DLEC1: variants seen among roughly 807,000 people sequenced by gnomAD.
DLEC1 encodes DLEC1 cilia and flagella associated protein, also known as deleted in lung and esophageal cancer protein 1.
DLEC1 carries 146 observed loss-of-function variants against 198.1 expected under a neutral mutation model. The ratio of observed to expected loss-of-function variants is 0.74; its 90% CI spans 0.64 to 0.85. DLEC1 has a LOEUF of 0.85. Ranked by LOEUF, DLEC1 falls within the 40% of genes least tolerant of loss-of-function variation. The pLI, the probability that DLEC1 is intolerant of heterozygous loss-of-function variation, is 0.00. For missense variants in DLEC1, 2,233 were observed against 2,220.0 expected (o/e 1.01, Z -0.12); for synonymous variants, 897 against 866.8 (o/e 1.03, Z -0.61).
At chr3:38,094,406 A>T (rs1270379006) in intron 12 of DLEC1, among the ~76,000 whole-genome samples, 1 of 152,172 alleles carries the variant, frequency 6.6e-6, no homozygotes, top group Admixed American at 6.5e-5. Context: ...TCCTGTTGGC[A>T]GCCAGTAGGC....
At position 38,112,711 on chromosome 3, in the gene DLEC1, A is replaced by G. The variant is rs1699952504; in HGVS notation, c.3666+350A>G. ...GAGTGTGGAGTGGAGGGACAGTAGC[A>G]GCCTCCCAGAGCCAGGTCCTTGCCC... On this transcript the variant is annotated intron_variant, in intron 25 of 36. Transcript: ENST00000308059. The surrounding 1 kb of genome is among the most constrained non-coding windows in gnomAD (Gnocchi z 4.8). Among the ~76,000 whole-genome samples, 2 of 152,174 alleles carry G rather than the reference A, an allele frequency of 1.3e-5. No homozygotes were observed. Among genetic ancestry groups the G allele is most frequent in the African/African-American group, 4.8e-5 (2 of 41,448 alleles).
chr3:38,065,162 C>A (rs547708168), intron 6 of DLEC1, among the ~76,000 whole-genome samples: 1 of 152,246 alleles, frequency 6.6e-6, no homozygotes, highest in Non-Finnish European at 1.5e-5. Flanking sequence ...CACAGCGAAA[C>A]CCCGTCTCCA....
At position 38,069,613 on chromosome 3, in the gene DLEC1, C is replaced by A. The variant is rs377175721; in HGVS notation, c.1173+5694C>A. ...CTATTATTTTTTTCCTCCAAAGCTT[C>A]CAGTGCTGTTAAGGAAAGCCAGTCC... On this transcript the variant is annotated intron_variant, in intron 6 of 36. Coordinates refer to ENST00000308059, the MANE Select transcript of DLEC1 (RefSeq NM_007335.4). Among the ~76,000 whole-genome samples the A allele has an allele frequency of 3.0e-4, 45 of 152,318 alleles. 2 individuals carry two copies. The South Asian group carries it at 9.3e-3, about 32-fold the overall frequency.
chr3:38,121,713 A>T lies in DLEC1; in HGVS notation c.4952A>T (p.Gln1651Leu), dbSNP rs774696235. 1.2e-6 allele frequency: 2 copies of T among 1,614,092 alleles called. No homozygotes were observed. The highest frequency in any genetic ancestry group is 1.1e-5 in the South Asian group (1 of 91,090). ...GACTTTGGGACCTGCTTTGTGAGCC[A>T]GCAGCGAGTCCGGGAGGTCTACCTG... The part of the protein sequence containing the change: ...WVDFGTCFVS[Q>L]QRVREVYLMN... Residue 1651 changes from glutamine to leucine, a missense_variant, in exon 35 of 37, where the codon CAG becomes CTG. Gln to Leu is a moderately radical substitution (Grantham distance 113). Coordinates refer to ENST00000308059, the MANE Select transcript of DLEC1 (RefSeq NM_007335.4).
In DLEC1 at chr3:38,047,358, C is replaced by T. The variant is rs112719858; in HGVS notation, c.562+1665C>T. Among the ~76,000 whole-genome samples, 310 of 151,956 alleles carry T rather than the reference C, an allele frequency of 2.0e-3. 4 individuals are homozygous for T. The highest frequency in any genetic ancestry group is 6.5e-3 in the African/African-American group (268 of 41,408). On this transcript the variant is annotated intron_variant, in intron 2 of 36. Coordinates refer to ENST00000308059, the MANE Select transcript of DLEC1 (RefSeq NM_007335.4). Reference sequence around the variant, plus strand: ...AGTTGTTTAAAAGAATGAATTATACCTGTGTTGTAGATATAGATGGCTGTC... The same window carrying T: ...AGTTGTTTAAAAGAATGAATTATACTTGTGTTGTAGATATAGATGGCTGTC...
In DLEC1 at chr3:38,062,671, A is replaced by G. The variant is rs1343782723; in HGVS notation, c.964A>G (p.Ser322Gly). 1 of 1,614,144 alleles carries G rather than the reference A, an allele frequency of 6.2e-7. No individual in the cohort carries two copies. Among genetic ancestry groups the G allele is most frequent in the Non-Finnish European group, 8.5e-7 (1 of 1,180,024 alleles). Residue 322 changes from serine to glycine, a missense_variant, in exon 5 of 37, where the codon AGT (serine) becomes GGT (glycine). Coordinates refer to ENST00000308059, the MANE Select transcript of DLEC1 (RefSeq NM_007335.4). ...LDRLLLARME[S>G]RNHFLKNPRF... Reference sequence around the variant, plus strand: ...CAGACTTCTGCTTGCCAGAATGGAGAGTCGGAACCACTTCCTAAAAAATCC... The same window carrying G: ...CAGACTTCTGCTTGCCAGAATGGAGGGTCGGAACCACTTCCTAAAAAATCC...
intron 3 of DLEC1, among the ~76,000 whole-genome samples, chr3:38,060,964 C>T (rs1238967101): frequency 6.6e-6 from 1 of 152,140 alleles, no homozygotes; most frequent in Non-Finnish European, 1.5e-5. Context: ...GGATTACAGG[C>T]ATGAGCCACC....
At chr3:38,062,116 G>T (rs1048858433) in intron 3 of DLEC1, 53 bp from the exon 4 acceptor site, 1 of 1,594,890 alleles carries the variant, frequency 6.3e-7, no homozygotes, top group East Asian at 2.2e-5. Context: ...TCTTAGGAAT[G>T]CCCACCTCCT....
intron 33 of DLEC1, among the ~76,000 whole-genome samples, chr3:38,120,168 C>T (rs1208762419): frequency 6.6e-6 from 1 of 152,238 alleles, no homozygotes; most frequent in African/African-American, 2.4e-5. Context: ...CCAACCACAG[C>T]CCTGGGCATT....
intron 10 of DLEC1, among the ~76,000 whole-genome samples, chr3:38,092,005 A>G (rs957847077): frequency 6.6e-6 from 1 of 152,234 alleles, no homozygotes; most frequent in Non-Finnish European, 1.5e-5. Context: ...TACTAGGTAT[A>G]TATACAAATG....
At chr3:38,069,232 A>T (rs561573257) in intron 6 of DLEC1, among the ~76,000 whole-genome samples, 20 of 152,168 alleles carry the variant, frequency 1.3e-4, no homozygotes, top group Non-Finnish European at 2.5e-4. Context: ...AGAAGAAAAC[A>T]ATTTAAAAAA....
chr3:38,079,369 C>T (rs1697829453), intron 6 of DLEC1, among the ~76,000 whole-genome samples: 1 of 152,106 alleles, frequency 6.6e-6, no homozygotes, highest in Admixed American at 6.5e-5. Flanking sequence ...ATACCCACAA[C>T]AGTTATGGAG....
At chr3:38,080,256 T>G (rs1445475465) in intron 6 of DLEC1, among the ~76,000 whole-genome samples, 4 of 150,756 alleles carry the variant, frequency 2.7e-5, no homozygotes, top group East Asian at 3.9e-4. Context: ...GGAGGGGAGG[T>G]GATAAAAGGA....
chr3:38,043,089 A>T (rs550411717), intron 1 of DLEC1, among the ~76,000 whole-genome samples: 22 of 152,100 alleles, frequency 1.4e-4, no homozygotes, highest in Non-Finnish European at 3.2e-4. Context: ...CACCTATAGA[A>T]ATATCTCATG....
chr3:38,109,041 A>G (rs1699719947), intron 21 of DLEC1, among the ~76,000 whole-genome samples: 1 of 152,186 alleles, frequency 6.6e-6, no homozygotes, highest in Non-Finnish European at 1.5e-5. Flanking sequence ...TCCCCCTGGC[A>G]AATATGGGGA....
At chr3:38,103,406 G>A (rs1699406916) in intron 19 of DLEC1, 1 of 152,250 alleles carries the variant, frequency 6.6e-6, no homozygotes. Flanking sequence ...CGTAACCTGT[G>A]CAGGGATTTC....
chr3:38,116,719 T>C, intron 28 of DLEC1, 54 bp from the exon 29 acceptor site: 3 of 1,608,888 alleles, frequency 1.9e-6, no homozygotes, highest in Admixed American at 1.7e-5. Flanking sequence ...GTGTGGCCAG[T>C]AGGCTAGTTG....
intron 4 of DLEC1, 33 bp downstream of exon 4, chr3:38,062,401 G>C: frequency 1.2e-6 from 2 of 1,612,872 alleles, no homozygotes; most frequent in Non-Finnish European, 1.7e-6. Context: ...AGCAGTGTTT[G>C]GGGGGACAGA....
At chr3:38,079,658 C>T (rs1189348973) in intron 6 of DLEC1, among the ~76,000 whole-genome samples, 3 of 152,314 alleles carry the variant, frequency 2.0e-5, no homozygotes, top group South Asian at 2.1e-4. Context: ...AGTGGGGTCC[C>T]ACACAGATGG....
Sources: gnomAD v4.1 joint callset for allele counts (sites outside exome capture counted in the v4.1 genomes callset) on GRCh38, gnomAD v4.1.1 for gene constraint, Gnocchi (gnomAD v3.1) non-coding constraint, MANE v1.5 for transcripts, NCBI Gene and HGNC (gene_info 2026-07-23, HGNC 2026-07-21) for gene names.